Variants in CISD2 observed in about 807,000 individuals in gnomAD.
CISD2 encodes CDGSH iron-sulfur domain-containing protein 2.
CISD2 carries 1 observed loss-of-function variant against 12.9 expected under a neutral mutation model. That is an observed-to-expected ratio of 0.08 (90% confidence interval 0.03 to 0.37). The LOEUF is 0.37. Ranked by LOEUF, CISD2 falls within the 10% of genes least tolerant of loss-of-function variation. The probability of loss-of-function intolerance (pLI) is 0.99; values close to 1 mark genes in which losing one functional copy is unlikely to be tolerated. For synonymous variants in CISD2, 50 were observed against 60.6 expected (o/e 0.83, Z 0.81); for missense variants, 97 against 163.1 (o/e 0.59, Z 2.21).
Position 102,888,505 on chromosome 4 carries a change from A to C in CISD2, c.*1075A>C, listed in dbSNP as rs1255183581. ...GCGCGTAATTGTACCCACCCAGTTCAAACCCGTGTGTAAGGGTCAACTGTA... is the reference window on the plus strand; with the variant it reads ...GCGCGTAATTGTACCCACCCAGTTCCAACCCGTGTGTAAGGGTCAACTGTA... On this transcript the variant is annotated 3_prime_UTR_variant, in exon 3 of 3. Coordinates refer to ENST00000273986, the MANE Select transcript of CISD2 (RefSeq NM_001008388.5). The C allele has an allele frequency of 6.6e-6, 1 of 152,260 alleles. No homozygotes were observed. Among genetic ancestry groups the C allele is most frequent in the Non-Finnish European group, 1.5e-5 (1 of 68,048 alleles). 9.4% of individuals were successfully genotyped at this position (152,260 alleles called of 1,614,324 possible).
rs1734132737 is a variant in CISD2 at position 102,889,611 on chromosome 4, G to A, written c.*2181G>A. On this transcript the variant is annotated 3_prime_UTR_variant, in exon 3 of 3. Coordinates refer to ENST00000273986, the MANE Select transcript of CISD2 (RefSeq NM_001008388.5). ...ATTTTAATACCCCAAAAGTAAGATG[G>A]TTGTACTCTCAGAATAAAGACTTTT... 3 of 150,228 alleles carry A rather than the reference G, an allele frequency of 2.0e-5. No homozygotes were observed. Among genetic ancestry groups the A allele is most frequent in the Non-Finnish European group, 3.0e-5 (2 of 67,614 alleles). The allele number at this position is 150,228 out of a possible 1,614,324, so 9.3% of individuals were successfully genotyped here.
At chr4:102,882,648 T>C (rs1392076927) in intron 1 of CISD2, 1 of 152,308 alleles carries the variant, frequency 6.6e-6, no homozygotes, top group Non-Finnish European at 1.5e-5. Context: ...TAGCTAGCTA[T>C]TGAGCCTCTG....
intron 1 of CISD2, among the ~76,000 whole-genome samples, chr4:102,881,868 G>A (rs6847207): frequency 0.018 from 2,794 of 152,272 alleles, 80 homozygotes; most frequent in African/African-American, 0.061. Flanking sequence ...TGTGGGTTAA[G>A]ATAGGAAATG....
chr4:102,873,019 C>G (rs1165516660), intron 1 of CISD2, among the ~76,000 whole-genome samples: 2 of 152,182 alleles, frequency 1.3e-5, no homozygotes, highest in African/African-American at 4.8e-5. Flanking sequence ...TTCTTCACAT[C>G]ATGGCAGGAA....
rs1734164907 is a variant in CISD2, at chr4:102,890,145, A to C, written c.*2715A>C. On this transcript the variant is annotated 3_prime_UTR_variant, in exon 3 of 3. Coordinates refer to ENST00000273986, the MANE Select transcript of CISD2 (RefSeq NM_001008388.5). Reference sequence around the variant, plus strand: ...TTCATATGGGTAATTAAGCAAGTTGAATTATGGAAAGCACCTCACAATTCA... The same window carrying C: ...TTCATATGGGTAATTAAGCAAGTTGCATTATGGAAAGCACCTCACAATTCA... 1 of 152,194 alleles carries C rather than the reference A, an allele frequency of 6.6e-6. No homozygotes were observed. The highest frequency in any genetic ancestry group is 6.5e-5 in the Admixed American group (1 of 15,278). 9.4% of individuals were successfully genotyped at this position (152,194 alleles called of 1,614,324 possible). A position where few individuals can be genotyped will look rare whatever the true frequency, so the allele number is the denominator to read the frequency against.
intron 1 of CISD2, among the ~76,000 whole-genome samples, chr4:102,882,567 T>C (rs935403626): frequency 5.3e-5 from 8 of 152,212 alleles, no homozygotes; most frequent in African/African-American, 1.7e-4. Flanking sequence ...TATAGTAGCA[T>C]TGTCCAGTAA....
At chr4:102,886,274 G>A (rs1733909458) in intron 2 of CISD2, among the ~76,000 whole-genome samples, 1 of 151,992 alleles carries the variant, frequency 6.6e-6, no homozygotes, top group South Asian at 2.1e-4. Flanking sequence ...GGATCACCAG[G>A]TCAGGGGTTC....
At position 102,888,219 on chromosome 4, in the gene CISD2, A is replaced by G. The variant is rs1468625786; in HGVS notation, c.*789A>G. 6.6e-6 allele frequency: 1 copy of G among 152,256 alleles called. No homozygotes were observed. The highest frequency in any genetic ancestry group is 1.5e-5 in the Non-Finnish European group (1 of 68,052). 9.4% of individuals were successfully genotyped at this position (152,256 alleles called of 1,614,324 possible). On this transcript the variant is annotated 3_prime_UTR_variant, in exon 3 of 3. Coordinates refer to ENST00000273986, the MANE Select transcript of CISD2 (RefSeq NM_001008388.5). ...TCATATTAAAATAGTTCAGTGTTCA[A>G]AATTGTGTTTATGTGGATATTTTTC...
intron 1 of CISD2, among the ~76,000 whole-genome samples, chr4:102,873,420 C>T (rs755614765): frequency 4.6e-5 from 7 of 151,970 alleles, no homozygotes; most frequent in Non-Finnish European, 2.9e-5. Context: ...TACAGGTGCA[C>T]GCTACCACAC....
intron 1 of CISD2, among the ~76,000 whole-genome samples, chr4:102,877,480 C>A (rs1733617739): frequency 6.6e-6 from 1 of 152,194 alleles, no homozygotes; most frequent in African/African-American, 2.4e-5. Flanking sequence ...TGGCCTTGGG[C>A]AGCTCCTTCA....
chr4:102,877,751 G>A (rs558959699), intron 1 of CISD2, among the ~76,000 whole-genome samples: 4 of 152,274 alleles, frequency 2.6e-5, no homozygotes, highest in African/African-American at 4.8e-5. Context: ...TGAAATCTAG[G>A]GTGAAGTTCC....
chr4:102,889,196 G>GTTCT lies in CISD2; in HGVS notation c.*1770_*1773dup, dbSNP rs879453931. 32 of 152,144 alleles carry GTTCT rather than the reference G, an allele frequency of 2.1e-4. No individual in the cohort carries two copies. Among genetic ancestry groups the GTTCT allele is most frequent in the Non-Finnish European group, 4.1e-4 (28 of 68,028 alleles). The allele number at this position is 152,144 out of a possible 1,614,324, so 9.4% of individuals were successfully genotyped here. A position where few individuals can be genotyped will look rare whatever the true frequency, so the allele number is the denominator to read the frequency against. On this transcript the variant is annotated 3_prime_UTR_variant, in exon 3 of 3. Coordinates refer to ENST00000273986, the MANE Select transcript of CISD2 (RefSeq NM_001008388.5). ...TTTTACAAGGTGTATGTCCAAAATT[G>GTTCT]TTCTTTCCTCACATGTCAGTGGGGG... is the stretch of plus-strand genomic sequence containing the variant.
At chr4:102,876,606 T>G (rs935569845) in intron 1 of CISD2, among the ~76,000 whole-genome samples, 3 of 152,060 alleles carry the variant, frequency 2.0e-5, no homozygotes, top group African/African-American at 7.2e-5. Flanking sequence ...AAAAATTAGC[T>G]GGGTTTGGTG....
intron 2 of CISD2, among the ~76,000 whole-genome samples, chr4:102,886,352 G>T (rs192875823): frequency 6.6e-6 from 1 of 152,016 alleles, no homozygotes; most frequent in African/African-American, 2.4e-5. Context: ...TTAGCCAGGC[G>T]TGGTGGCATG....
rs1203631237 is a variant in CISD2, at chr4:102,885,283, T to C, written c.171T>C (p.Arg57=). Residue 57 remains arginine (R), a synonymous_variant, in exon 2 of 3, where the codon CGT becomes CGC. Transcript: ENST00000273986. ...VLALLGYLAV[R]PFLPKKKQQK... is the part of the protein sequence containing the mutation. ...CACTTCTTGGCTACCTTGCAGTTCG[T>C]CCATTCCTCCCGAAGAAGAAACAAC... is the stretch of plus-strand genomic sequence containing the variant. 6.2e-7 allele frequency: 1 copy of C among 1,614,124 alleles called. No individual in the cohort carries two copies. The highest frequency in any genetic ancestry group is 8.5e-7 in the Non-Finnish European group (1 of 1,179,988).
intron 1 of CISD2, among the ~76,000 whole-genome samples, chr4:102,873,084 AACTC>A (rs1382363930): frequency 6.6e-6 from 1 of 152,102 alleles, no homozygotes; most frequent in Non-Finnish European, 1.5e-5. Flanking sequence ...ATATCATGAG[AACTC>A]ACTCACTATC....
intron 1 of CISD2, among the ~76,000 whole-genome samples, chr4:102,878,998 A>G (rs1162878070): frequency 1.3e-5 from 2 of 152,202 alleles, no homozygotes; most frequent in African/African-American, 4.8e-5. Context: ...GAAACTTACA[A>G]TTATGGTGGA....
chr4:102,869,611 T>C (rs1733372536), intron 1 of CISD2: 2 of 681,946 alleles, frequency 2.9e-6, no homozygotes, highest in East Asian at 5.4e-5. Context: ...ACCCTCAGCA[T>C]GTGGGTGGGA....
chr4:102,872,092 G>GT (rs1470066623), intron 1 of CISD2, among the ~76,000 whole-genome samples: 4 of 152,052 alleles, frequency 2.6e-5, no homozygotes, highest in Non-Finnish European at 4.4e-5. Flanking sequence ...GTTTTGTTTT[G>GT]TTTTTTGAGA....
Sources: allele counts gnomAD v4.1 joint callset (sites outside exome capture counted in the v4.1 genomes callset), GRCh38; gene constraint gnomAD v4.1.1; transcripts MANE v1.5; gene names NCBI Gene and HGNC (gene_info 2026-07-23, HGNC 2026-07-21).